Variants in KCNMA1 observed in about 807,000 individuals in gnomAD.
KCNMA1 encodes the protein potassium calcium-activated channel subfamily M alpha 1.
A neutral mutation model predicts 140.0 loss-of-function variants in KCNMA1; 29 were observed. The ratio of observed to expected loss-of-function variants is 0.21; its 90% CI spans 0.15 to 0.28. KCNMA1 has a LOEUF of 0.28. KCNMA1 is among the 10% of genes least tolerant of loss of function. The pLI is 1.00. For synonymous variants in KCNMA1, 612 were observed against 611.9 expected (o/e 1.00, Z 0.00); for missense variants, 880 against 1,602.2 (o/e 0.55, Z 7.70).
At chr10:77,419,943 G>A (rs774599576) in intron 1 of KCNMA1, among the ~76,000 whole-genome samples, 3 of 152,198 alleles carry the variant, frequency 2.0e-5, no homozygotes, top group Non-Finnish European at 2.9e-5. Flanking sequence ...GGATCAATGG[G>A]CTAGAGGCCC....
intron 16 of KCNMA1, among the ~76,000 whole-genome samples, chr10:77,021,364 A>G (rs1340428556): frequency 6.6e-6 from 1 of 152,238 alleles, no homozygotes; most frequent in Admixed American, 6.5e-5. Flanking sequence ...ACTATGTGCT[A>G]CATGACTGAC....
At chr10:77,151,653 C>T (rs2098419963) in intron 5 of KCNMA1, among the ~76,000 whole-genome samples, 1 of 152,168 alleles carries the variant, frequency 6.6e-6, no homozygotes, top group Admixed American at 6.5e-5. Context: ...GGGCCAGATA[C>T]ATTTGAATGC....
chr10:77,438,518 G>T (rs1193710764), intron 1 of KCNMA1, among the ~76,000 whole-genome samples: 1 of 150,470 alleles, frequency 6.6e-6, no homozygotes, highest in East Asian at 2.0e-4. Flanking sequence ...AGCCGAGATT[G>T]TGTCATTGCA....
chr10:76,894,656 C>T (rs772242452), intron 25 of KCNMA1, among the ~76,000 whole-genome samples: 2 of 152,010 alleles, frequency 1.3e-5, no homozygotes, highest in Non-Finnish European at 1.5e-5. Context: ...ATTTTTTAAA[C>T]GGGCAGAAGA....
chr10:77,483,656 G>A (rs1208803806), intron 1 of KCNMA1, among the ~76,000 whole-genome samples: 2 of 152,174 alleles, frequency 1.3e-5, no homozygotes, highest in Admixed American at 1.3e-4. Context: ...TGGGTGTATG[G>A]CCACGGGACA....
chr10:76,956,932 C>A (rs1278580487), intron 20 of KCNMA1, among the ~76,000 whole-genome samples: 1 of 151,822 alleles, frequency 6.6e-6, no homozygotes, highest in Non-Finnish European at 1.5e-5. Context: ...TCCATCCTGG[C>A]TAACACGGTG....
chr10:77,167,920 C>T (rs550137037), intron 5 of KCNMA1, among the ~76,000 whole-genome samples: 2 of 152,160 alleles, frequency 1.3e-5, no homozygotes, highest in South Asian at 2.1e-4. Context: ...AGGACTCAAG[C>T]GATCCTCCCA....
In KCNMA1 at chr10:77,582,216, G is replaced by A. The variant is rs186485640; in HGVS notation, c.378+55049C>T. 2.0e-5 allele frequency among the ~76,000 whole-genome samples: 3 copies of A among 152,032 alleles called. No individual in the cohort carries two copies. The East Asian group carries it at 5.8e-4, about 29-fold the overall frequency. Reference sequence around the variant, plus strand: ...TCAGGCTCTGGAGCTGGTCTGCCTGGGCTTGAATCCTAGCTCTGATGCTCG... The same window carrying A: ...TCAGGCTCTGGAGCTGGTCTGCCTGAGCTTGAATCCTAGCTCTGATGCTCG... On this transcript the variant is annotated intron_variant, in intron 1 of 27. Transcript: ENST00000286628.
At chr10:77,329,008 T>C (rs1006322062) in intron 2 of KCNMA1, among the ~76,000 whole-genome samples, 1 of 151,938 alleles carries the variant, frequency 6.6e-6, no homozygotes, top group African/African-American at 2.4e-5. Context: ...GCCCGGCTAA[T>C]TTTTTGTATT....
intron 5 of KCNMA1, among the ~76,000 whole-genome samples, chr10:77,152,408 G>A (rs2098432774): frequency 6.6e-6 from 1 of 151,952 alleles, no homozygotes; most frequent in African/African-American, 2.4e-5. Context: ...AGTTAACTTG[G>A]GAAGTGATCT....
intron 2 of KCNMA1, among the ~76,000 whole-genome samples, chr10:77,310,464 T>C (rs796845719): frequency 1.4e-4 from 21 of 152,354 alleles, no homozygotes; most frequent in African/African-American, 5.1e-4. Flanking sequence ...TAACATATGT[T>C]ACTTTTTCTC....
chr10:77,151,230 T>G (rs10762748), intron 5 of KCNMA1, among the ~76,000 whole-genome samples: 57 of 150,726 alleles, frequency 3.8e-4, no homozygotes, highest in African/African-American at 1.3e-3. Context: ...CCTTCTTTCT[T>G]TCTCTTTCTT....
intron 2 of KCNMA1, among the ~76,000 whole-genome samples, chr10:77,382,994 G>GTATATATATATA (rs544257955): frequency 4.3e-4 from 20 of 46,426 alleles, no homozygotes; most frequent in African/African-American, 1.4e-3. Context: ...GTGTGTGTGT[G>GTATATATATATA]TATATATATA....
chr10:77,445,373 C>G (rs1429407892), intron 1 of KCNMA1, among the ~76,000 whole-genome samples: 29 of 149,314 alleles, frequency 1.9e-4, no homozygotes, highest in African/African-American at 7.0e-4. Flanking sequence ...CAGACACACA[C>G]ACACACACAC....
intron 19 of KCNMA1, among the ~76,000 whole-genome samples, chr10:76,999,862 T>C (rs2085623697): frequency 6.6e-6 from 1 of 152,154 alleles, no homozygotes; most frequent in South Asian, 2.1e-4. Flanking sequence ...GATCAAAGTT[T>C]TCCAAATGCC....
intron 3 of KCNMA1, among the ~76,000 whole-genome samples, chr10:77,187,362 T>C (rs538394604): frequency 2.6e-5 from 4 of 152,316 alleles, no homozygotes; most frequent in East Asian, 1.9e-4. Context: ...TTATGTTCAA[T>C]GGCCACAGTG....
chr10:77,527,825 A>C (rs1356579219), intron 1 of KCNMA1, among the ~76,000 whole-genome samples: 1 of 152,098 alleles, frequency 6.6e-6, no homozygotes, highest in Non-Finnish European at 1.5e-5. Flanking sequence ...GCCCTGGTGC[A>C]GCCCTCATCC....
At chr10:77,396,624 G>A (rs1285461487) in intron 2 of KCNMA1, among the ~76,000 whole-genome samples, 1 of 152,116 alleles carries the variant, frequency 6.6e-6, no homozygotes, top group Non-Finnish European at 1.5e-5. Flanking sequence ...TTTCTTTTGG[G>A]CCCTTGGAGA....
intron 5 of KCNMA1, among the ~76,000 whole-genome samples, chr10:77,172,070 C>T (rs1215031653): frequency 6.6e-6 from 1 of 152,172 alleles, no homozygotes; most frequent in Non-Finnish European, 1.5e-5. Context: ...AATCCCTGAG[C>T]TGGTTTCAGG....
Sources: gnomAD v4.1 joint callset for allele counts (sites outside exome capture counted in the v4.1 genomes callset) on GRCh38, gnomAD v4.1.1 for gene constraint, MANE v1.5 for transcripts, NCBI Gene and HGNC (gene_info 2026-07-23, HGNC 2026-07-21) for gene names.